The following MTTP variants were observed in gnomAD, a reference collection of about 807,000 sequenced individuals.
MTTP encodes the protein microsomal triglyceride transfer protein.
MTTP carries 49 observed loss-of-function variants against 90.6 expected under a neutral mutation model. The ratio of observed to expected loss-of-function variants is 0.54; its 90% CI spans 0.43 to 0.69. The LOEUF (loss-of-function observed/expected upper bound fraction) is 0.69. MTTP is among the 30% of genes least tolerant of loss of function. The pLI is 0.00. For synonymous variants in MTTP, 347 were observed against 384.2 expected (o/e 0.90, Z 1.13); for missense variants, 945 against 1,067.5 (o/e 0.89, Z 1.60).
intron 8 of MTTP, among the ~76,000 whole-genome samples, chr4:99,598,140 AT>A (rs1300634675): frequency 1.3e-5 from 2 of 152,200 alleles, no homozygotes; most frequent in East Asian, 3.8e-4. Flanking sequence ...ACATTAAAAA[AT>A]TGATAGGAAT....
intron 1 of MTTP, among the ~76,000 whole-genome samples, chr4:99,580,009 C>T (rs1415668616): frequency 3.5e-5 from 5 of 142,756 alleles, no homozygotes; most frequent in Admixed American, 2.9e-4. Context: ...GCACTCCAGC[C>T]TGGGTGACAG....
chr4:99,592,728 C>T lies in MTTP; in HGVS notation c.758+938C>T, dbSNP rs1028330074. Among the ~76,000 whole-genome samples, 4 of 152,084 alleles carry T rather than the reference C, an allele frequency of 2.6e-5. No homozygotes were observed. The South Asian group carries it at 8.3e-4, about 32-fold the overall frequency. ...ACTGTCACTTCCTCTGATAACAATGCCTTCTTCTGGAATACCTCCTGAAGA... is the reference window on the plus strand; with the variant it reads ...ACTGTCACTTCCTCTGATAACAATGTCTTCTTCTGGAATACCTCCTGAAGA... On this transcript the variant is annotated intron_variant, in intron 6 of 17. Coordinates refer to ENST00000265517, the MANE Select transcript of MTTP (RefSeq NM_001386140.1).
intron 1 of MTTP, among the ~76,000 whole-genome samples, chr4:99,581,595 T>C (rs990462672): frequency 1.3e-5 from 2 of 150,814 alleles, no homozygotes; most frequent in African/African-American, 4.9e-5. Flanking sequence ...GTTCATATAA[T>C]TAAGAGAAAT....
intron 8 of MTTP, among the ~76,000 whole-genome samples, chr4:99,597,709 C>T (rs1304163866): frequency 6.6e-6 from 1 of 152,012 alleles, no homozygotes; most frequent in African/African-American, 2.4e-5. Flanking sequence ...AGAACTGAGG[C>T]GAATGGTGAA....
intron 3 of MTTP, among the ~76,000 whole-genome samples, chr4:99,585,520 G>A (rs908192618): frequency 6.6e-6 from 1 of 152,018 alleles, no homozygotes; most frequent in Admixed American, 6.6e-5. Context: ...ATTTTCTTAT[G>A]GCTCAACTTT....
intron 12 of MTTP, among the ~76,000 whole-genome samples, 157 bp from the exon 13 acceptor site, chr4:99,610,986 T>C (rs1320412675): frequency 1.3e-5 from 2 of 152,184 alleles, no homozygotes; most frequent in Non-Finnish European, 2.9e-5. Context: ...CTAATCCTGA[T>C]GCTACCACGC....
rs1197843875 is a variant in MTTP, at chr4:99,598,827, C to T, written c.1067+1603C>T. 3.9e-5 allele frequency among the ~76,000 whole-genome samples: 6 copies of T among 152,022 alleles called. No homozygotes were observed. In the East Asian group the frequency reaches 5.8e-4, roughly 15 times the overall value. Reference sequence around the variant, plus strand: ...TACAGGCATGTGCCACCACACCCGGCTAATTCTGTATTTTTAGTAGAGATG... The same window carrying T: ...TACAGGCATGTGCCACCACACCCGGTTAATTCTGTATTTTTAGTAGAGATG... On this transcript the variant is annotated intron_variant, in intron 8 of 17. Coordinates refer to ENST00000265517, the MANE Select transcript of MTTP (RefSeq NM_001386140.1).
chr4:99,594,895 C>T lies in MTTP; in HGVS notation c.909+12C>T. ...AAGGATGTCCTTCTGTAAGTGCAGA[C>T]AAATATGGGAATAATCATGACATCA... is the stretch of plus-strand genomic sequence containing the variant. On this transcript the variant is annotated intron_variant, in intron 7 of 17. Coordinates refer to ENST00000265517, the MANE Select transcript of MTTP (RefSeq NM_001386140.1). The T allele has an allele frequency of 1.2e-6, 2 of 1,613,116 alleles. No homozygotes were observed. The highest frequency in any genetic ancestry group is 1.7e-6 in the Non-Finnish European group (2 of 1,179,212).
chr4:99,583,837 C>A (rs1293131976), intron 3 of MTTP: 2 of 482,918 alleles, frequency 4.1e-6, no homozygotes, highest in Non-Finnish European at 7.3e-6. Context: ...CGTAATGTAA[C>A]AAAGCAAGTC....
chr4:99,582,595 A>G (rs1156415339), intron 2 of MTTP, among the ~76,000 whole-genome samples: 1 of 152,168 alleles, frequency 6.6e-6, no homozygotes, highest in African/African-American at 2.4e-5. Context: ...AATGGTTTAG[A>G]TTTATGTGCT....
chr4:99,594,137 C>T (rs868297276), intron 6 of MTTP, among the ~76,000 whole-genome samples: 1 of 152,188 alleles, frequency 6.6e-6, no homozygotes, highest in Non-Finnish European at 1.5e-5. Context: ...GGCTCCGAAG[C>T]ACATGTACTG....
At chr4:99,620,921 C>G in intron 16 of MTTP, 140 bp from the exon 17 acceptor site, 1 of 782,740 alleles carries the variant, frequency 1.3e-6, no homozygotes, top group Non-Finnish European at 2.0e-6. Context: ...CTAAGCACAT[C>G]CAGGTCACCT....
Position 99,591,328 on chromosome 4 carries a change from T to C in MTTP, c.595T>C (p.Ser199Pro), listed in dbSNP as rs1419419865. ...KALDSCKIARSGFTTPNQVLG... is the reference protein window; with the variant it reads ...KALDSCKIARPGFTTPNQVLG... ...CTTGGATTCATGCAAAATAGCGAGG[T>C]CTGGATTTACGACCCCAAATCAGGT... Residue 199 changes from serine to proline, a missense_variant, in exon 5 of 18, where the codon TCT becomes CCT. Coordinates refer to ENST00000265517, the MANE Select transcript of MTTP (RefSeq NM_001386140.1). 1 of 1,613,444 alleles carries C rather than the reference T, an allele frequency of 6.2e-7. No homozygotes were observed. The highest frequency in any genetic ancestry group is 8.5e-7 in the Non-Finnish European group (1 of 1,179,556).
chr4:99,575,260 GA>G (rs1724929060), intron 1 of MTTP, among the ~76,000 whole-genome samples: 1 of 152,064 alleles, frequency 6.6e-6, no homozygotes, highest in South Asian at 2.1e-4. Context: ...TTAAAAGAAG[GA>G]AAAAAGATAC....
chr4:99,603,057 AGAAGAGGTTTTTAAGT>A (rs1293365581), intron 10 of MTTP, among the ~76,000 whole-genome samples: 1 of 152,300 alleles, frequency 6.6e-6, no homozygotes, highest in East Asian at 1.9e-4. Context: ...CACTTAATCT[AGAAGAGGTTTTTAAGT>A]GAAGAGGTCA....
In MTTP at chr4:99,613,089, C is replaced by T. The variant is rs770381109; in HGVS notation, c.2166C>T (p.Gly722=). The T allele has an allele frequency of 3.1e-5, 50 of 1,613,860 alleles. No individual in the cohort carries two copies. The highest frequency in any genetic ancestry group is 2.0e-4 in the South Asian group (18 of 91,074). The change falls in exon 15 of 18, where the codon GGC becomes GGT. Residue 722 remains glycine (G), a synonymous_variant. Transcript: ENST00000265517. ...DLMSKMLSAS[G]DPISVVKGLI... is the part of the protein sequence containing the mutation. ...TGTCCAAAATGCTGTCAGCATCTGG[C>T]GACCCTATCAGTGTGGTGAAAGGAC...
Position 99,621,383 on chromosome 4 carries a change from A to T in MTTP, c.2513+152A>T. On this transcript the variant is annotated intron_variant, in intron 17 of 17. Coordinates refer to ENST00000265517, the MANE Select transcript of MTTP (RefSeq NM_001386140.1). ...CTTTAAATGAGTAGAAGAATAATTG[A>T]TAAGGCCAAAAAAAGTCAGTTTCTG... The T allele has an allele frequency of 3.0e-6, 3 of 1,007,194 alleles. No individual in the cohort carries two copies. In the Admixed American group the frequency reaches 6.7e-5, roughly 23 times the overall value. The allele number at this position is 1,007,194 out of a possible 1,614,324, so 62.4% of individuals were successfully genotyped here.
At chr4:99,569,434 A>G (rs1026347913) in intron 1 of MTTP, among the ~76,000 whole-genome samples, 1 of 151,982 alleles carries the variant, frequency 6.6e-6, no homozygotes, top group South Asian at 2.1e-4. Context: ...TTTAGTTAAT[A>G]ATATATTAAT....
intron 3 of MTTP, among the ~76,000 whole-genome samples, chr4:99,588,655 C>T (rs952345044): frequency 6.6e-6 from 1 of 150,436 alleles, no homozygotes; most frequent in Non-Finnish European, 1.5e-5. Context: ...GCAGCAGTAG[C>T]AATCTCAACC....
Sources: allele counts gnomAD v4.1 joint callset (sites outside exome capture counted in the v4.1 genomes callset), GRCh38; gene constraint gnomAD v4.1.1; transcripts MANE v1.5; gene names NCBI Gene and HGNC (gene_info 2026-07-23, HGNC 2026-07-21).